PDS5A: variants seen among roughly 807,000 people sequenced by gnomAD.
The protein encoded by PDS5A is sister chromatid cohesion protein PDS5 homolog A.
PDS5A carries 42 observed loss-of-function variants against 167.1 expected under a neutral mutation model. The ratio of observed to expected loss-of-function variants is 0.25; its 90% CI spans 0.20 to 0.33. PDS5A has a LOEUF of 0.33. Among genes scored for constraint, PDS5A ranks in the 10% least tolerant of loss-of-function variants. PDS5A has a pLI of 1.00. For synonymous variants in PDS5A, 553 were observed against 554.6 expected (o/e 1.00, Z 0.04); for missense variants, 1,033 against 1,605.9 (o/e 0.64, Z 6.10).
intron 26 of PDS5A, among the ~76,000 whole-genome samples, chr4:39,861,807 TAA>T (rs920508213): frequency 4.6e-5 from 7 of 152,328 alleles, no homozygotes; most frequent in African/African-American, 7.2e-5. Flanking sequence ...CAAAATTTTT[TAA>T]AAGATATTTG....
chr4:39,956,231 C>T (rs1469479606), intron 2 of PDS5A, among the ~76,000 whole-genome samples: 3 of 152,060 alleles, frequency 2.0e-5, no homozygotes, highest in African/African-American at 7.2e-5. Context: ...TGGCTCACAC[C>T]TGTAATCCCA....
chr4:39,856,673 A>G (rs1036140977), intron 26 of PDS5A, among the ~76,000 whole-genome samples: 1 of 151,938 alleles, frequency 6.6e-6, no homozygotes, highest in Admixed American at 6.6e-5. Flanking sequence ...AAAATTAGCC[A>G]GGCGTGGTGG....
intron 4 of PDS5A, 130 bp downstream of exon 4, chr4:39,926,645 G>T: frequency 8.7e-6 from 5 of 573,132 alleles, no homozygotes; most frequent in Admixed American, 4.6e-5. Flanking sequence ...TTTTCCTTAT[G>T]AAATGTAAAA....
intron 2 of PDS5A, among the ~76,000 whole-genome samples, chr4:39,943,959 C>A (rs1013318852): frequency 1.3e-5 from 2 of 151,808 alleles, no homozygotes; most frequent in African/African-American, 2.4e-5. Flanking sequence ...AGGTGGATCA[C>A]GAGGTCAGGA....
chr4:39,834,292 G>A (rs1483152805), intron 32 of PDS5A, among the ~76,000 whole-genome samples: 1 of 152,042 alleles, frequency 6.6e-6, no homozygotes, highest in Non-Finnish European at 1.5e-5. Context: ...TTTTTGGGAT[G>A]CTCAAGGCAT....
rs1432595832 is a variant in PDS5A, at chr4:39,837,954, CT to C, written c.3911del (p.Glu1304GlyfsTer19). The C allele has an allele frequency of 6.2e-7, 1 of 1,614,032 alleles. No individual in the cohort carries two copies. The highest frequency in any genetic ancestry group is 1.7e-5 in the Admixed American group (1 of 60,024). ...KGRKRAAVGQESPGGLEAGNA... is the reference protein window; with the variant it reads ...KGRKRAAVGQXSPGGLEAGNA... Reference sequence around the variant, plus strand: ...TACCTGCTTCCAAACCCCCAGGGCTCTCCTGACCCACTGCAGCTCTCTTCCT... The same window carrying C: ...TACCTGCTTCCAAACCCCCAGGGCTCCCTGACCCACTGCAGCTCTCTTCCT... On this transcript the variant is annotated frameshift_variant, in exon 32 of 33. Transcript: ENST00000303538. LOFTEE classifies it high-confidence loss of function.
At chr4:39,899,678 C>G (rs1722707502) in intron 14 of PDS5A, among the ~76,000 whole-genome samples, 1 of 151,714 alleles carries the variant, frequency 6.6e-6, no homozygotes, top group African/African-American at 2.4e-5. Flanking sequence ...GAAAACTCAC[C>G]TCTACAAAAA....
At chr4:39,869,274 C>T (rs996078836) in intron 22 of PDS5A, 120 bp downstream of exon 22, 4 of 712,584 alleles carry the variant, frequency 5.6e-6, no homozygotes, top group African/African-American at 3.5e-5. Context: ...AGTTCAAGAC[C>T]AAACTGAGCA....
intron 17 of PDS5A, among the ~76,000 whole-genome samples, chr4:39,887,752 C>A (rs998509841): frequency 6.6e-6 from 1 of 152,018 alleles, no homozygotes. Flanking sequence ...TGGTTCTGCA[C>A]AGCTAAGGGA....
chr4:39,910,348 A>G lies in PDS5A; in HGVS notation c.993-10T>C, dbSNP rs751762533. Reference sequence around the variant, plus strand: ...ATGAATATCATTAAATCTACACAGAAAAAGATTGCTAAACATTAATTGTAA... The same window carrying G: ...ATGAATATCATTAAATCTACACAGAGAAAGATTGCTAAACATTAATTGTAA... On this transcript the variant is annotated splice_polypyrimidine_tract_variant and intron_variant, in intron 9 of 32. Coordinates refer to ENST00000303538, the MANE Select transcript of PDS5A (RefSeq NM_001100399.2). 16 of 1,339,382 alleles carry G rather than the reference A, an allele frequency of 1.2e-5. No homozygotes were observed. The South Asian group carries it at 1.7e-4, about 14-fold the overall frequency. The allele number at this position is 1,339,382 out of a possible 1,614,324, so 83.0% of individuals were successfully genotyped here. A position where few individuals can be genotyped will look rare whatever the true frequency, so the allele number is the denominator to read the frequency against.
chr4:39,901,879 T>C (rs529306711), intron 13 of PDS5A, among the ~76,000 whole-genome samples: 1 of 152,346 alleles, frequency 6.6e-6, no homozygotes, highest in South Asian at 2.1e-4. Flanking sequence ...CCACACATCC[T>C]GGTTGGCCTG....
intron 2 of PDS5A, among the ~76,000 whole-genome samples, chr4:39,933,974 G>A (rs1726332474): frequency 6.6e-6 from 1 of 152,190 alleles, no homozygotes; most frequent in African/African-American, 2.4e-5. Flanking sequence ...GCTGTTGTGT[G>A]TATGTGTGTG....
At chr4:39,962,223 A>C (rs1360297738) in intron 2 of PDS5A, among the ~76,000 whole-genome samples, 1 of 151,976 alleles carries the variant, frequency 6.6e-6, no homozygotes, top group Non-Finnish European at 1.5e-5. Flanking sequence ...ACGCTCGACT[A>C]ATTTTTGTAT....
chr4:39,918,202 CAG>C lies in PDS5A; in HGVS notation c.736-1016_736-1015del, dbSNP rs900467211. On this transcript the variant is annotated intron_variant, in intron 7 of 32. Coordinates refer to ENST00000303538, the MANE Select transcript of PDS5A (RefSeq NM_001100399.2). ...TGTCTCAAAAAAAAAAAAAAAAAAA[CAG>C]AATAATTTTTCCATGAGTTTAGTAA... 3.0e-4 allele frequency among the ~76,000 whole-genome samples: 30 copies of C among 99,078 alleles called. No individual in the cohort carries two copies. The South Asian group carries it at 3.3e-3, about 11-fold the overall frequency. The allele number at this position is 99,078 out of a possible 152,430, so 65.0% of individuals were successfully genotyped here.
intron 4 of PDS5A, among the ~76,000 whole-genome samples, chr4:39,926,236 T>C (rs941886683): frequency 1.3e-5 from 2 of 151,872 alleles, no homozygotes; most frequent in East Asian, 1.9e-4. Flanking sequence ...AATAAAAAGA[T>C]AGAGGCCGGG....
At chr4:39,863,707 T>A (rs1395973052) in intron 23 of PDS5A, among the ~76,000 whole-genome samples, 2 of 152,206 alleles carry the variant, frequency 1.3e-5, no homozygotes, top group Admixed American at 1.3e-4. Flanking sequence ...AACTCTAGCT[T>A]AGATACTTCA....
chr4:39,850,727 A>C (rs773332122), intron 26 of PDS5A, among the ~76,000 whole-genome samples: 3 of 152,216 alleles, frequency 2.0e-5, no homozygotes, highest in Non-Finnish European at 4.4e-5. Flanking sequence ...GCTATTCCAC[A>C]CTTGTCACTG....
At chr4:39,935,298 A>C (rs1726489650) in intron 2 of PDS5A, among the ~76,000 whole-genome samples, 1 of 152,204 alleles carries the variant, frequency 6.6e-6, no homozygotes, top group Non-Finnish European at 1.5e-5. Context: ...GGGTTTTGCC[A>C]TGTTGGCCAG....
At chr4:39,925,224 G>A (rs767918945) in intron 5 of PDS5A, among the ~76,000 whole-genome samples, 2 of 152,044 alleles carry the variant, frequency 1.3e-5, no homozygotes, top group African/African-American at 2.4e-5. Context: ...AAAAACATGG[G>A]CTAAAATCAG....
Sources: allele counts gnomAD v4.1 joint callset (sites outside exome capture counted in the v4.1 genomes callset), GRCh38; gene constraint gnomAD v4.1.1; transcripts MANE v1.5; gene names NCBI Gene and HGNC (gene_info 2026-07-23, HGNC 2026-07-21).